Variants in TK2 observed in about 807,000 individuals in gnomAD.
TK2 encodes the protein thymidine kinase 2, mitochondrial.
Under a neutral mutation model 41.9 loss-of-function variants are expected in TK2, and 35 were observed. The observed-to-expected ratio is 0.84, with a 90% CI of 0.64 to 1.11. The LOEUF (loss-of-function observed/expected upper bound fraction) is 1.11. TK2 is among the 50% of genes least tolerant of loss of function. The pLI is 0.00. For missense variants in TK2, 320 were observed against 351.1 expected (o/e 0.91, Z 0.71); for synonymous variants, 128 against 129.1 (o/e 0.99, Z 0.06).
chr16:66,529,353 C>T (rs940068696), intron 5 of TK2, among the ~76,000 whole-genome samples: 3 of 152,258 alleles, frequency 2.0e-5, no homozygotes, highest in Non-Finnish European at 4.4e-5. Context: ...CAGCAGCTGC[C>T]TCTTTGATGG....
intron 6 of TK2, among the ~76,000 whole-genome samples, chr16:66,522,210 G>T (rs1597084076): frequency 6.6e-6 from 1 of 152,122 alleles, no homozygotes; most frequent in South Asian, 2.1e-4. Context: ...CTGAGCTCCA[G>T]GAAGGCCACA....
rs1259987160 is a variant in TK2, at chr16:66,549,374, G to A, written c.125-365C>T. ...AGAGTGGGCGGCGGACGTGGTTTTGGGCCTGGGACCCAGGTGTTCCTCTAG... is the reference window on the plus strand; with the variant it reads ...AGAGTGGGCGGCGGACGTGGTTTTGAGCCTGGGACCCAGGTGTTCCTCTAG... On this transcript the variant is annotated intron_variant, in intron 1 of 9. Coordinates refer to ENST00000544898, the MANE Select transcript of TK2 (RefSeq NM_004614.5). 2.7e-6 allele frequency: 3 copies of A among 1,131,574 alleles called. No individual in the cohort carries two copies. The African/African-American group carries it at 4.8e-5, about 18-fold the overall frequency. 70.1% of individuals were successfully genotyped at this position (1,131,574 alleles called of 1,614,324 possible).
rs1030523940 is a variant in TK2 at position 66,514,193 on chromosome 16, C to T, written c.619-382G>A. Among the ~76,000 whole-genome samples the T allele has an allele frequency of 1.2e-3, 179 of 152,076 alleles. No homozygotes were observed. The highest frequency in any genetic ancestry group is 1.1e-3 in the Non-Finnish European group (78 of 67,992). ...CAGCCGAGGCTGGACTGTACTGCCG[C>T]CAACTCGACTCACTGCAACCTCCCT... On this transcript the variant is annotated intron_variant, in intron 8 of 9. Transcript: ENST00000544898. The surrounding 1 kb of genome is among the most constrained non-coding windows in gnomAD (Gnocchi z 4.2).
intron 3 of TK2, among the ~76,000 whole-genome samples, chr16:66,540,154 T>TTTTC (rs928115456): frequency 2.0e-5 from 3 of 150,964 alleles, no homozygotes; most frequent in Non-Finnish European, 4.4e-5. Flanking sequence ...TATATATTTC[T>TTTTC]TTTCTTTCTT....
At chr16:66,545,174 T>A (rs1039202871) in intron 2 of TK2, among the ~76,000 whole-genome samples, 1 of 152,114 alleles carries the variant, frequency 6.6e-6, no homozygotes, top group Non-Finnish European at 1.5e-5. Context: ...TTTATGAATA[T>A]GCATATATGT....
chr16:66,518,402 T>C (rs1964680023), intron 6 of TK2, among the ~76,000 whole-genome samples: 1 of 152,122 alleles, frequency 6.6e-6, no homozygotes. Flanking sequence ...TGGTGGCGCA[T>C]GCCTATGGTC....
At chr16:66,535,008 T>C (rs976271343) in intron 4 of TK2, among the ~76,000 whole-genome samples, 1 of 152,196 alleles carries the variant, frequency 6.6e-6, no homozygotes, top group Non-Finnish European at 1.5e-5. Flanking sequence ...CTTTTCATTT[T>C]TCTCTTGGTG....
chr16:66,520,706 A>C (rs894013788), intron 6 of TK2, among the ~76,000 whole-genome samples: 10 of 152,178 alleles, frequency 6.6e-5, no homozygotes, highest in African/African-American at 2.4e-4. Flanking sequence ...AATGTAGAGA[A>C]ACCAGGCCAG....
chr16:66,529,386 C>T (rs190379052), intron 5 of TK2, among the ~76,000 whole-genome samples: 133 of 152,346 alleles, frequency 8.7e-4, no homozygotes, highest in Non-Finnish European at 1.7e-3. Flanking sequence ...AACTAGAACA[C>T]GGTCAAGCCC....
chr16:66,531,323 T>C, intron 5 of TK2, 57 bp downstream of exon 5: 1 of 1,557,898 alleles, frequency 6.4e-7, no homozygotes, highest in Non-Finnish European at 8.8e-7. Context: ...GGCAATCACA[T>C]ACCCCAAGTC....
At chr16:66,539,890 G>C (rs149877091) in intron 3 of TK2, among the ~76,000 whole-genome samples, 361 of 152,274 alleles carry the variant, frequency 2.4e-3, no homozygotes, top group Middle Eastern at 6.8e-3. Flanking sequence ...CTCCCAGGAA[G>C]AAAGCAGGTG....
chr16:66,513,638 C>T, intron 9 of TK2, 93 bp downstream of exon 9: 1 of 1,146,260 alleles, frequency 8.7e-7, no homozygotes, highest in Non-Finnish European at 1.3e-6. Context: ...CTCTAAAGGA[C>T]TGTGCCCTCC....
At chr16:66,515,028 C>T (rs986610054) in intron 8 of TK2, among the ~76,000 whole-genome samples, 6 of 152,138 alleles carry the variant, frequency 3.9e-5, no homozygotes, top group East Asian at 3.9e-4. Flanking sequence ...ACAAACACTG[C>T]GGAAGGCGGC....
At chr16:66,542,504 TA>T (rs1198774043) in intron 2 of TK2, among the ~76,000 whole-genome samples, 2 of 152,216 alleles carry the variant, frequency 1.3e-5, no homozygotes, top group African/African-American at 4.8e-5. Flanking sequence ...TTATCACATG[TA>T]ACCTCACTGA....
At chr16:66,531,885 G>A (rs1965125643) in intron 4 of TK2, among the ~76,000 whole-genome samples, 1 of 152,116 alleles carries the variant, frequency 6.6e-6, no homozygotes, top group Non-Finnish European at 1.5e-5. Context: ...CTCACTTTAA[G>A]TGGATATTTA....
chr16:66,536,580 C>T (rs1050967177), intron 4 of TK2, among the ~76,000 whole-genome samples: 3 of 152,104 alleles, frequency 2.0e-5, no homozygotes, highest in Non-Finnish European at 4.4e-5. Context: ...AGGGGTCCAC[C>T]AAGGATCCTG....
intron 2 of TK2, chr16:66,548,056 G>A: frequency 1.3e-6 from 1 of 773,774 alleles, no homozygotes; most frequent in South Asian, 1.4e-5. Flanking sequence ...AACACAGCAA[G>A]ACGCCGTCTC....
intron 3 of TK2, 59 bp from the exon 4 acceptor site, chr16:66,537,076 T>C: frequency 1.9e-6 from 3 of 1,601,458 alleles, no homozygotes; most frequent in South Asian, 2.2e-5. Context: ...TGTAAAAGTG[T>C]GTAAGTGTTG....
chr16:66,530,371 G>A (rs116008635), intron 5 of TK2, among the ~76,000 whole-genome samples: 2,207 of 152,252 alleles, frequency 0.014, 52 homozygotes, highest in African/African-American at 0.051. Context: ...TGCTGATCAG[G>A]ACCTCCACAG....
Sources: allele counts gnomAD v4.1 joint callset (sites outside exome capture counted in the v4.1 genomes callset), GRCh38; gene constraint gnomAD v4.1.1; non-coding constraint Gnocchi (gnomAD v3.1); transcripts MANE v1.5; gene names NCBI Gene and HGNC (gene_info 2026-07-23, HGNC 2026-07-21).